TOX3: variants seen among roughly 807,000 people sequenced by gnomAD.
TOX3 encodes the protein TOX high mobility group box family member 3.
TOX3 carries 22 observed loss-of-function variants against 64.3 expected under a neutral mutation model. That is an observed-to-expected ratio of 0.34 (90% CI 0.24 to 0.49). The LOEUF (loss-of-function observed/expected upper bound fraction) is 0.49. Among genes scored for constraint, TOX3 ranks in the 20% least tolerant of loss-of-function variants. The pLI is 0.99. For synonymous variants in TOX3, 291 were observed against 273.6 expected, an observed-to-expected ratio of 1.06 and a Z score of -0.63; for missense variants, 661 against 714.4, an observed-to-expected ratio of 0.93 and a Z score of 0.85.
intron 3 of TOX3, among the ~76,000 whole-genome samples, chr16:52,455,750 C>T (rs1021967235): frequency 1.3e-5 from 2 of 152,082 alleles, no homozygotes. Context: ...GCAGAGGGAA[C>T]AGCATGTGCA....
chr16:52,441,498 T>G (rs1391879366), intron 6 of TOX3, among the ~76,000 whole-genome samples: 3 of 152,258 alleles, frequency 2.0e-5, no homozygotes, highest in African/African-American at 7.2e-5. Flanking sequence ...CTAAAAACAC[T>G]TCACTGCCTC....
intron 1 of TOX3, among the ~76,000 whole-genome samples, chr16:52,485,236 A>ATGTGTG (rs1280127633): frequency 1.8e-5 from 2 of 113,030 alleles, no homozygotes; most frequent in African/African-American, 7.8e-5. Context: ...GTGTGTGTGT[A>ATGTGTG]TGTGTGTGTG....
chr16:52,462,285 G>A (rs1462442291), intron 3 of TOX3, among the ~76,000 whole-genome samples: 1 of 151,996 alleles, frequency 6.6e-6, no homozygotes, highest in Non-Finnish European at 1.5e-5. Flanking sequence ...CTTTCCCAAC[G>A]CCAGTCCGTG....
intron 1 of TOX3, among the ~76,000 whole-genome samples, chr16:52,479,859 G>A (rs1050791813): frequency 2.6e-5 from 4 of 152,264 alleles, no homozygotes; most frequent in South Asian, 2.1e-4. Context: ...GTGTGAATTC[G>A]TTCATAATAA....
rs1342619550 is a variant in TOX3 at position 52,546,984 on chromosome 16, C to A, written c.-261G>T. The stretch of plus-strand genomic sequence containing the variant: ...GCCGGGGCACCGAGGCAGCGCTGCG[C>A]GCGGGCCGGGCGCCGGGGGCGCGGG... On this transcript the variant is annotated 5_prime_UTR_variant, in exon 1 of 7. Transcript: ENST00000219746. 1 of 978,022 alleles carries A rather than the reference C, an allele frequency of 1.0e-6. No homozygotes were observed. The highest frequency in any genetic ancestry group is 1.2e-6 in the Non-Finnish European group (1 of 826,352). The allele number at this position is 978,022 out of a possible 1,614,324, so 60.6% of individuals were successfully genotyped here. A position where few individuals can be genotyped will look rare whatever the true frequency, so the allele number is the denominator to read the frequency against.
intron 1 of TOX3, among the ~76,000 whole-genome samples, chr16:52,515,378 T>C (rs890268349): frequency 2.0e-5 from 3 of 152,124 alleles, no homozygotes; most frequent in African/African-American, 7.2e-5. Context: ...AACTAAAAAG[T>C]ATAATTTTTA....
chr16:52,523,703 T>A (rs1387661641), intron 1 of TOX3, among the ~76,000 whole-genome samples: 2 of 152,232 alleles, frequency 1.3e-5, no homozygotes, highest in Non-Finnish European at 2.9e-5. Context: ...AATATTTGTG[T>A]TTATGAAGAC....
intron 3 of TOX3, among the ~76,000 whole-genome samples, chr16:52,456,220 T>G (rs1960512621): frequency 6.6e-6 from 1 of 152,228 alleles, no homozygotes; most frequent in South Asian, 2.1e-4. Context: ...GACTATTCAT[T>G]GCAATAAATA....
intron 1 of TOX3, among the ~76,000 whole-genome samples, chr16:52,493,279 A>G (rs1424855453): frequency 6.6e-6 from 1 of 152,192 alleles, no homozygotes; most frequent in Non-Finnish European, 1.5e-5. Flanking sequence ...ACCTATATGC[A>G]TAGCCACACC....
chr16:52,473,686 G>A (rs1008373520), intron 1 of TOX3, among the ~76,000 whole-genome samples: 14 of 152,244 alleles, frequency 9.2e-5, no homozygotes, highest in African/African-American at 2.4e-4. Context: ...CCAATATGGC[G>A]GATGATGATG....
chr16:52,444,345 C>T lies in TOX3; in HGVS notation c.918G>A (p.Arg306=), dbSNP rs1596772059. 1 of 1,579,826 alleles carries T rather than the reference C, an allele frequency of 6.3e-7. No homozygotes were observed. The highest frequency in any genetic ancestry group is 2.3e-5 in the East Asian group (1 of 43,612). ...LGEEQKQVYK[R]KTEAAKKEYL... The stretch of plus-strand genomic sequence containing the variant: ...ATTCTTTTTTGGCAGCTTCTGTTTT[C>T]CTTTTATATACCTATTAAAAGACCA... Residue 306 remains arginine, a synonymous_variant, in exon 6 of 7, where the codon AGG becomes AGA. Transcript: ENST00000219746.
intron 2 of TOX3, among the ~76,000 whole-genome samples, chr16:52,465,952 G>T (rs573206493): frequency 6.6e-6 from 1 of 152,232 alleles, no homozygotes; most frequent in East Asian, 1.9e-4. Context: ...GACCCCAAAA[G>T]CTGTCAGTTT....
At chr16:52,484,644 T>C (rs1365367160) in intron 1 of TOX3, among the ~76,000 whole-genome samples, 1 of 151,426 alleles carries the variant, frequency 6.6e-6, no homozygotes, top group African/African-American at 2.4e-5. Context: ...GAAAAAACAT[T>C]AGAAAAAAAA....
At chr16:52,466,466 C>A (rs1231135958) in intron 2 of TOX3, among the ~76,000 whole-genome samples, 23 of 152,110 alleles carry the variant, frequency 1.5e-4, no homozygotes, top group Admixed American at 1.5e-3. Context: ...TGTTAAAAAA[C>A]CAAGTAAATT....
At chr16:52,487,041 A>T (rs1317812786) in intron 1 of TOX3, among the ~76,000 whole-genome samples, 1 of 152,210 alleles carries the variant, frequency 6.6e-6, no homozygotes, top group Admixed American at 6.5e-5. Context: ...CCCCTAGCAT[A>T]TAAATTATCC....
chr16:52,546,939 C>A lies in TOX3; in HGVS notation c.-216G>T, dbSNP rs1270254353. ...ACGCGAGCCGCGGGAGAGCGGGAGGCGGCCGGGGGGACGCGCCCCGCCGGG... is the reference window on the plus strand; with the variant it reads ...ACGCGAGCCGCGGGAGAGCGGGAGGAGGCCGGGGGGACGCGCCCCGCCGGG... On this transcript the variant is annotated 5_prime_UTR_variant, in exon 1 of 7. Transcript: ENST00000219746. The A allele has an allele frequency of 3.7e-5, 37 of 1,008,098 alleles. No homozygotes were observed. Among genetic ancestry groups the A allele is most frequent in the Non-Finnish European group, 4.3e-5 (36 of 846,698 alleles). The allele number at this position is 1,008,098 out of a possible 1,614,324, so 62.4% of individuals were successfully genotyped here.
chr16:52,536,627 CTA>C (rs57164139), intron 1 of TOX3, among the ~76,000 whole-genome samples: 967 of 34,068 alleles, frequency 0.028, 16 homozygotes, highest in Non-Finnish European at 0.032. Flanking sequence ...TAGATATACA[CTA>C]TATATATATA....
chr16:52,541,232 T>C (rs776758606), intron 1 of TOX3, among the ~76,000 whole-genome samples: 2 of 152,144 alleles, frequency 1.3e-5, no homozygotes, highest in Non-Finnish European at 2.9e-5. Context: ...CAAATTATTT[T>C]TTACCATCTC....
intron 1 of TOX3, among the ~76,000 whole-genome samples, chr16:52,505,760 T>G (rs989491618): frequency 6.6e-6 from 1 of 152,180 alleles, no homozygotes; most frequent in Non-Finnish European, 1.5e-5. Flanking sequence ...GCAGATCACT[T>G]AAGCCCAGCA....
Sources: allele counts gnomAD v4.1 joint callset (sites outside exome capture counted in the v4.1 genomes callset), GRCh38; gene constraint gnomAD v4.1.1; transcripts MANE v1.5; gene names NCBI Gene and HGNC (gene_info 2026-07-23, HGNC 2026-07-21).